BCLAF3: variants seen among roughly 807,000 people sequenced by gnomAD.
The protein encoded by BCLAF3 is transient octamer binding factor 1.
Under a neutral mutation model 51.2 loss-of-function variants are expected in BCLAF3, and 24 were observed. The observed-to-expected ratio is 0.47, with a 90% CI of 0.34 to 0.66. BCLAF3 has a LOEUF of 0.66. Among genes scored for constraint, BCLAF3 ranks in the 30% least tolerant of loss-of-function variants. The pLI is 0.01. For missense variants in BCLAF3, 465 were observed against 525.1 expected, an observed-to-expected ratio of 0.89 and a Z score of 1.12; for synonymous variants, 152 against 176.6, an observed-to-expected ratio of 0.86 and a Z score of 1.10.
intron 1 of BCLAF3, among the ~76,000 whole-genome samples, chrX:19,986,796 GTTTT>G (rs758844786): frequency 1.1e-5 from 1 of 91,203 alleles, no homozygotes; most frequent in Non-Finnish European, 2.2e-5. Context: ...ACTTGAGTCG[GTTTT>G]TTTTTTTTTT....
intron 1 of BCLAF3, among the ~76,000 whole-genome samples, chrX:19,971,871 G>T (rs1387380930): frequency 8.9e-6 from 1 of 112,113 alleles, no homozygotes; most frequent in East Asian, 2.8e-4. Context: ...AAGGCTTCTT[G>T]TCACTATGCA....
chrX:19,988,209 C>G (rs375856424), intron 1 of BCLAF3, among the ~76,000 whole-genome samples: 1 of 112,071 alleles, frequency 8.9e-6, no homozygotes, highest in Non-Finnish European at 1.9e-5. Context: ...TTTTATTTAG[C>G]GTTATACCTG....
intron 1 of BCLAF3, among the ~76,000 whole-genome samples, chrX:19,978,515 C>G (rs1210236313): frequency 8.9e-6 from 1 of 112,249 alleles, no homozygotes; most frequent in East Asian, 2.8e-4. Flanking sequence ...CATGATCAAA[C>G]TTGGATGTAT....
intron 8 of BCLAF3, among the ~76,000 whole-genome samples, chrX:19,939,289 T>C (rs2070903363): frequency 8.9e-6 from 1 of 112,206 alleles, no homozygotes; most frequent in Non-Finnish European, 1.9e-5. Flanking sequence ...ATTATATTTT[T>C]CCAAATGATT....
intron 2 of BCLAF3, among the ~76,000 whole-genome samples, chrX:19,969,142 A>G (rs977992979): frequency 1.8e-5 from 2 of 112,132 alleles, no homozygotes; most frequent in African/African-American, 3.2e-5. Context: ...AAAAATAAAA[A>G]TAAATGACCT....
intron 8 of BCLAF3, among the ~76,000 whole-genome samples, chrX:19,940,417 T>A (rs1313288582): frequency 9.0e-6 from 1 of 110,572 alleles, no homozygotes; most frequent in South Asian, 3.8e-4. Context: ...CCCAATGCTA[T>A]CCCTCCCCTA....
intron 8 of BCLAF3, among the ~76,000 whole-genome samples, chrX:19,938,694 G>C (rs1195616588): frequency 1.8e-5 from 2 of 112,829 alleles, no homozygotes; most frequent in African/African-American, 6.4e-5. Flanking sequence ...ACCGTGCCCA[G>C]CCAGGAATAT....
chrX:19,960,690 C>T (rs1236577129), intron 4 of BCLAF3, among the ~76,000 whole-genome samples: 1 of 111,280 alleles, frequency 9.0e-6, no homozygotes, highest in African/African-American at 3.3e-5. Flanking sequence ...TGACTAGGTT[C>T]CCTTCCTTCA....
In BCLAF3 at chrX:19,955,467, G is replaced by C; in HGVS notation, c.1374C>G (p.Asp458Glu). Reference protein sequence around the residue: ...ENFHPVFEHLDSTQNTENKPT... With the variant: ...ENFHPVFEHLESTQNTENKPT... The stretch of plus-strand genomic sequence containing the variant: ...GTTTGTTTTCAGTATTCTGAGTTGA[G>C]TCAAGATGTTCAAACACTGGATGAA... Residue 458 changes from aspartate to glutamate, a missense_variant, in exon 5 of 12, where the codon GAC (aspartate) becomes GAG (glutamate). Asp to Glu is a conservative substitution (Grantham distance 45). Transcript: ENST00000379682. 8.3e-7 allele frequency: 1 copy of C among 1,204,433 alleles called. No homozygotes were observed. The highest frequency in any genetic ancestry group is 2.2e-5 in the Admixed American group (1 of 44,859).
In BCLAF3 at chrX:19,936,023, C is replaced by T. The variant is rs779432789; in HGVS notation, c.1861-125G>A. On this transcript the variant is annotated intron_variant, in intron 9 of 11. Transcript: ENST00000379682. Reference sequence around the variant, plus strand: ...AGAACACAAAGCAGGGAGCAGGGAGCTTAGCTGTAGAGCACATACACATCT... The same window carrying T: ...AGAACACAAAGCAGGGAGCAGGGAGTTTAGCTGTAGAGCACATACACATCT... 15 of 550,063 alleles carry T rather than the reference C, an allele frequency of 2.7e-5. No homozygotes were observed. In the African/African-American group the frequency reaches 3.0e-4, roughly 11 times the overall value. 45.3% of individuals were successfully genotyped at this position (550,063 alleles called of 1,213,427 possible). A position where few individuals can be genotyped will look rare whatever the true frequency, so the allele number is the denominator to read the frequency against.
intron 8 of BCLAF3, 116 bp downstream of exon 8, chrX:19,950,637 G>A: frequency 2.1e-6 from 1 of 467,231 alleles, no homozygotes; most frequent in South Asian, 4.1e-5. Context: ...ATATAAGATG[G>A]ATTTGAAGGA....
chrX:19,964,539 C>T (rs981937036), intron 4 of BCLAF3, among the ~76,000 whole-genome samples: 3 of 110,310 alleles, frequency 2.7e-5, no homozygotes, highest in African/African-American at 9.9e-5. Flanking sequence ...CATAAGGGAA[C>T]ACGTGGATTT....
At chrX:19,971,809 T>G (rs1387706867) in intron 1 of BCLAF3, among the ~76,000 whole-genome samples, 1 of 112,131 alleles carries the variant, frequency 8.9e-6, no homozygotes, top group Non-Finnish European at 1.9e-5. Flanking sequence ...TCATATATTA[T>G]GCACCTCGAT....
At chrX:19,955,055 T>G (rs1344226034) in intron 5 of BCLAF3, among the ~76,000 whole-genome samples, 1 of 111,635 alleles carries the variant, frequency 9.0e-6, no homozygotes, top group Non-Finnish European at 1.9e-5. Flanking sequence ...GTTTCCTATC[T>G]GTTTTTTGTT....
intron 1 of BCLAF3, among the ~76,000 whole-genome samples, chrX:19,978,017 CA>C (rs111474868): frequency 3.1e-4 from 30 of 97,797 alleles, no homozygotes; most frequent in Admixed American, 3.3e-4. Flanking sequence ...ACCTACTGCT[CA>C]AAAAAAAAAA....
intron 4 of BCLAF3, among the ~76,000 whole-genome samples, chrX:19,956,343 G>A (rs1243844733): frequency 9.0e-6 from 1 of 111,563 alleles, no homozygotes; most frequent in African/African-American, 3.3e-5. Context: ...CTTACCACAT[G>A]CCCTCATGTG....
intron 3 of BCLAF3, 69 bp from the exon 4 acceptor site, chrX:19,965,775 G>A: frequency 9.8e-7 from 1 of 1,016,467 alleles, no homozygotes; most frequent in South Asian, 3.0e-5. Context: ...TGTGTAGAAT[G>A]TCGGGCAGCA....
chrX:19,948,318 G>T (rs1397186755), intron 8 of BCLAF3, among the ~76,000 whole-genome samples: 1 of 112,374 alleles, frequency 8.9e-6, no homozygotes, highest in Non-Finnish European at 1.9e-5. Flanking sequence ...ATCAACTGGT[G>T]AATGGATAAA....
chrX:19,990,893 C>A lies in BCLAF3; in HGVS notation c.-35+15G>T. Among the ~76,000 whole-genome samples the A allele has an allele frequency of 9.4e-6, 1 of 106,086 alleles. No individual in the cohort carries two copies. 92.1% of individuals were successfully genotyped at this position (106,086 alleles called of 115,157 possible). A position where few individuals can be genotyped will look rare whatever the true frequency, so the allele number is the denominator to read the frequency against. ...GCCCAGGCCTCCTCGCCCCGCCTCC[C>A]CCCGAGCCGCTCACCCGGCCGGGAA... On this transcript the variant is annotated intron_variant, in intron 1 of 11. Coordinates refer to ENST00000379682, the MANE Select transcript of BCLAF3 (RefSeq NM_001367774.2).
Sources: gnomAD v4.1 joint callset for allele counts (sites outside exome capture counted in the v4.1 genomes callset) on GRCh38, gnomAD v4.1.1 for gene constraint, MANE v1.5 for transcripts, NCBI Gene and HGNC (gene_info 2026-07-23, HGNC 2026-07-21) for gene names.